KCNQ5: variants seen among roughly 807,000 people sequenced by gnomAD.
The protein encoded by KCNQ5 is potassium voltage-gated channel subfamily KQT member 5.
In KCNQ5, 30 loss-of-function variants were observed where a neutral mutation model predicts 98.2. That is an observed-to-expected ratio of 0.31 (90% CI 0.23 to 0.41). The LOEUF is 0.41. Ranked by LOEUF, KCNQ5 falls within the 10% of genes least tolerant of loss-of-function variation. The pLI is 1.00. For missense variants in KCNQ5, 835 were observed against 1,182.5 expected, an observed-to-expected ratio of 0.71 and a Z score of 4.31; for synonymous variants, 458 against 449.4, an observed-to-expected ratio of 1.02 and a Z score of -0.24.
At chr6:72,670,796 C>T (rs934495520) in intron 1 of KCNQ5, among the ~76,000 whole-genome samples, 7 of 152,120 alleles carry the variant, frequency 4.6e-5, no homozygotes, top group Non-Finnish European at 1.0e-4. Flanking sequence ...CAGAGCCCAA[C>T]TCTTACATTC....
intron 1 of KCNQ5, among the ~76,000 whole-genome samples, chr6:72,693,965 A>G (rs955584036): frequency 5.9e-5 from 9 of 152,052 alleles, no homozygotes; most frequent in African/African-American, 1.9e-4. Flanking sequence ...TTTTTCACTG[A>G]ATTTTGGAGA....
intron 3 of KCNQ5, among the ~76,000 whole-genome samples, chr6:73,047,368 T>C (rs9342997): frequency 0.23 from 35,032 of 152,116 alleles, 6,124 homozygotes; most frequent in African/African-American, 0.47. Context: ...TTGCATATAC[T>C]CTTCAGTTGT....
intron 1 of KCNQ5, among the ~76,000 whole-genome samples, chr6:72,735,200 T>G (rs1359324331): frequency 6.6e-6 from 1 of 152,210 alleles, no homozygotes; most frequent in Non-Finnish European, 1.5e-5. Flanking sequence ...ATAACCTATA[T>G]TTAAGCTTAA....
intron 3 of KCNQ5, among the ~76,000 whole-genome samples, chr6:73,076,437 C>T (rs995762360): frequency 1.2e-4 from 18 of 152,092 alleles, no homozygotes; most frequent in African/African-American, 3.6e-4. Flanking sequence ...TCACTTATCC[C>T]ACTTCAAAGC....
In KCNQ5 at chr6:72,639,422, C is replaced by A. The variant is rs149521365; in HGVS notation, c.398+16835C>A. Among the ~76,000 whole-genome samples, 5 of 152,218 alleles carry A rather than the reference C, an allele frequency of 3.3e-5. No individual in the cohort carries two copies. In the South Asian group the frequency reaches 8.3e-4, roughly 25 times the overall value. On this transcript the variant is annotated intron_variant, in intron 1 of 13. Transcript: ENST00000370398. Reference sequence around the variant, plus strand: ...CAGTGCCATGTGTTAGGAGGACATCCAATTTCACAGGAAACATGATGTCCT... The same window carrying A: ...CAGTGCCATGTGTTAGGAGGACATCAAATTTCACAGGAAACATGATGTCCT...
At chr6:72,782,958 G>A (rs950954478) in intron 1 of KCNQ5, among the ~76,000 whole-genome samples, 3 of 152,322 alleles carry the variant, frequency 2.0e-5, no homozygotes, top group African/African-American at 7.2e-5. Context: ...GAGAAAGAAG[G>A]AGTAGTGGAA....
chr6:73,194,881 G>A lies in KCNQ5; in HGVS notation c.2266G>A (p.Ala756Thr), dbSNP rs766865171. 1 of 1,614,068 alleles carries A rather than the reference G, an allele frequency of 6.2e-7. No homozygotes were observed. The highest frequency in any genetic ancestry group is 8.5e-7 in the Non-Finnish European group (1 of 1,180,024). ...TTTACAGATCCCACCTCCTCTCCCA[G>A]CCATCAAGCATCTGCCCAGGCCAGA... The part of the protein sequence containing the change: ...TTLQIPPPLP[A>T]IKHLPRPETL... Residue 756 changes from alanine to threonine, a missense_variant, in exon 14 of 14, where the codon GCC becomes ACC. Physicochemically the swap from Ala to Thr is moderately conservative, Grantham distance 58. This residue lies in a region of KCNQ5 where 416 missense variants were observed against 446.9 expected (regional missense o/e 0.93). Coordinates refer to ENST00000370398, the MANE Select transcript of KCNQ5 (RefSeq NM_019842.4).
intron 10 of KCNQ5, among the ~76,000 whole-genome samples, chr6:73,156,837 T>C (rs1367748335): frequency 1.3e-5 from 2 of 152,118 alleles, no homozygotes; most frequent in Admixed American, 1.3e-4. Flanking sequence ...AGGTGAACAG[T>C]ACGGCAGAGA....
intron 1 of KCNQ5, among the ~76,000 whole-genome samples, chr6:72,768,518 G>A (rs1318525698): frequency 6.6e-6 from 1 of 152,022 alleles, no homozygotes; most frequent in Non-Finnish European, 1.5e-5. Context: ...TTTTAGTATA[G>A]AAAGAGAAAT....
At chr6:72,916,404 A>G (rs901912112) in intron 1 of KCNQ5, among the ~76,000 whole-genome samples, 1 of 152,178 alleles carries the variant, frequency 6.6e-6, no homozygotes, top group Non-Finnish European at 1.5e-5. Context: ...AGAATAAACC[A>G]AAAGAAAATC....
At chr6:73,172,374 T>TAA (rs2150506182) in intron 11 of KCNQ5, among the ~76,000 whole-genome samples, 1 of 152,116 alleles carries the variant, frequency 6.6e-6, no homozygotes, top group Non-Finnish European at 1.5e-5. Context: ...AAAATAAAAA[T>TAA]AAAAATAAAG....
intron 2 of KCNQ5, among the ~76,000 whole-genome samples, chr6:73,010,089 C>T (rs1582184552): frequency 6.6e-6 from 1 of 152,024 alleles, no homozygotes; most frequent in Non-Finnish European, 1.5e-5. Flanking sequence ...TTCTTATGAA[C>T]ATTAGTGTAA....
At chr6:73,000,117 G>A (rs1044499353) in intron 1 of KCNQ5, among the ~76,000 whole-genome samples, 2 of 152,136 alleles carry the variant, frequency 1.3e-5, no homozygotes, top group Non-Finnish European at 2.9e-5. Flanking sequence ...TGGGGTCATG[G>A]TCAGTAATCA....
intron 1 of KCNQ5, among the ~76,000 whole-genome samples, chr6:72,661,640 C>A (rs57822223): frequency 0.04 from 6,073 of 152,130 alleles, 132 homozygotes; most frequent in Middle Eastern, 0.13. Context: ...GACACACACC[C>A]AATATGTATC....
At chr6:72,848,703 G>T (rs1777115989) in intron 1 of KCNQ5, among the ~76,000 whole-genome samples, 1 of 152,102 alleles carries the variant, frequency 6.6e-6, no homozygotes, top group Non-Finnish European at 1.5e-5. Context: ...CCACTATGAA[G>T]CCATGTTGTG....
intron 1 of KCNQ5, among the ~76,000 whole-genome samples, chr6:72,881,937 C>T (rs6924175): frequency 0.27 from 40,881 of 152,082 alleles, 5,745 homozygotes; most frequent in Admixed American, 0.3. Context: ...GTGATCTGCC[C>T]GCCTCGACCT....
chr6:72,933,054 T>C (rs6924280), intron 1 of KCNQ5, among the ~76,000 whole-genome samples: 41,280 of 152,020 alleles, frequency 0.27, 5,802 homozygotes, highest in Admixed American at 0.3. Flanking sequence ...AAAAACAAAT[T>C]CAATGTCATT....
chr6:73,116,913 G>C (rs1017908717), intron 7 of KCNQ5, among the ~76,000 whole-genome samples: 3 of 152,132 alleles, frequency 2.0e-5, no homozygotes, highest in African/African-American at 7.2e-5. Context: ...ACCATTTCCA[G>C]TAAGGATCAA....
At chr6:73,194,076 T>G (rs1464073259) in intron 13 of KCNQ5, among the ~76,000 whole-genome samples, 2 of 152,178 alleles carry the variant, frequency 1.3e-5, no homozygotes, top group Non-Finnish European at 2.9e-5. Context: ...CTGGGCTCAA[T>G]TCTCCTGCCT....
Sources: allele counts gnomAD v4.1 joint callset (sites outside exome capture counted in the v4.1 genomes callset), GRCh38; gene constraint gnomAD v4.1.1; regional missense constraint gnomAD v4.1.1; transcripts MANE v1.5; gene names NCBI Gene and HGNC (gene_info 2026-07-23, HGNC 2026-07-21).